Variants in ANTXR2 observed in about 807,000 individuals in gnomAD.
The protein encoded by ANTXR2 is anthrax toxin receptor 2.
A neutral mutation model predicts 73.7 loss-of-function variants in ANTXR2; 44 were observed. The observed-to-expected ratio is 0.60, with a 90% confidence interval of 0.47 to 0.77. ANTXR2 has a LOEUF of 0.77. Ranked by LOEUF, ANTXR2 falls within the 30% of genes least tolerant of loss-of-function variation. The pLI is 0.00. For synonymous variants in ANTXR2, 217 were observed against 205.9 expected, an observed-to-expected ratio of 1.05 and a Z score of -0.46; for missense variants, 604 against 592.5, an observed-to-expected ratio of 1.02 and a Z score of -0.20.
chr4:79,928,216 T>A (rs1578090811), intron 16 of ANTXR2, among the ~76,000 whole-genome samples: 1 of 152,216 alleles, frequency 6.6e-6, no homozygotes, highest in East Asian at 1.9e-4. Flanking sequence ...ACAACATGAA[T>A]GAACCATAAG....
Position 80,018,922 on chromosome 4 carries a change from T to C in ANTXR2, c.921A>G (p.Ser307=). 6.6e-7 allele frequency: 1 copy of C among 1,522,556 alleles called. No homozygotes were observed. The allele number at this position is 1,522,556 out of a possible 1,614,324, so 94.3% of individuals were successfully genotyped here. Residue 307 remains serine (S), a synonymous_variant, in exon 11 of 17, where the codon TCA becomes TCG. Coordinates refer to ENST00000403729, the MANE Select transcript of ANTXR2 (RefSeq NM_058172.6). ...FNGGKSVISG[S]LIVTATECSN... ...CACATTCTGTGGCTGTGACAATTAA[T>C]GATCCTGAAATGACAGATTTTCCTC... is the stretch of plus-strand genomic sequence containing the variant.
chr4:79,909,748 A>G (rs990967460), intron 16 of ANTXR2, among the ~76,000 whole-genome samples: 11 of 152,128 alleles, frequency 7.2e-5, no homozygotes, highest in African/African-American at 2.4e-4. Flanking sequence ...CTCCCCTTCT[A>G]ATCATGGACT....
intron 12 of ANTXR2, among the ~76,000 whole-genome samples, chr4:79,993,744 C>CCACACACACACA (rs370293519): frequency 9.6e-5 from 7 of 72,946 alleles, no homozygotes; most frequent in Non-Finnish European, 2.0e-4. Flanking sequence ...TGGCAATACA[C>CCACACACACACA]CACACACACA....
intron 16 of ANTXR2, among the ~76,000 whole-genome samples, chr4:79,947,558 C>A (rs1325606920): frequency 6.6e-6 from 1 of 152,164 alleles, no homozygotes; most frequent in Non-Finnish European, 1.5e-5. Flanking sequence ...ACTGCACAAG[C>A]AGAGACCTGT....
intron 7 of ANTXR2, among the ~76,000 whole-genome samples, chr4:80,040,569 G>A (rs988069423): frequency 1.6e-4 from 24 of 151,948 alleles, no homozygotes; most frequent in Non-Finnish European, 1.8e-4. Flanking sequence ...AAAGAAAATA[G>A]TTTCTACTAA....
chr4:79,986,883 G>A (rs1730191486), intron 12 of ANTXR2, among the ~76,000 whole-genome samples: 1 of 152,178 alleles, frequency 6.6e-6, no homozygotes. Context: ...GGAGTGCTAA[G>A]CTGAGGCTTG....
intron 7 of ANTXR2, among the ~76,000 whole-genome samples, chr4:80,042,656 GTGAAT>G (rs1733323161): frequency 6.6e-6 from 1 of 151,964 alleles, no homozygotes; most frequent in African/African-American, 2.4e-5. Context: ...ATGTGAATAT[GTGAAT>G]TGATAATATT....
chr4:79,925,286 C>CT (rs1727739694), intron 16 of ANTXR2, among the ~76,000 whole-genome samples: 1 of 87,482 alleles, frequency 1.1e-5, no homozygotes, highest in East Asian at 5.5e-4. Context: ...GTCACTCTTT[C>CT]CTTTTTTTTT....
intron 11 of ANTXR2, among the ~76,000 whole-genome samples, chr4:80,015,832 GGGAA>G (rs1222175111): frequency 1.4e-5 from 2 of 143,064 alleles, no homozygotes; most frequent in Non-Finnish European, 3.0e-5. Context: ...GAGGGAGGGA[GGGAA>G]GGAAGGAAGG....
At position 79,933,959 on chromosome 4, in the gene ANTXR2, C is replaced by T. The variant is rs184605799; in HGVS notation, c.1429-26492G>A. Among the ~76,000 whole-genome samples the T allele has an allele frequency of 3.9e-3, 593 of 151,954 alleles. 3 individuals are homozygous for T. The highest frequency in any genetic ancestry group is 0.013 in the African/African-American group (556 of 41,464). ...TTCGCCGTGTTAGGGAAGATGGTCT[C>T]GATCTCCTGACCTCGTGATCCGCCC... On this transcript the variant is annotated intron_variant, in intron 16 of 16. Transcript: ENST00000403729.
chr4:80,040,548 T>G lies in ANTXR2; in HGVS notation c.637-4516A>C, dbSNP rs564664547. Among the ~76,000 whole-genome samples the G allele has an allele frequency of 3.9e-3, 601 of 152,192 alleles. 2 individuals carry two copies. Among genetic ancestry groups the G allele is most frequent in the Middle Eastern group, 6.8e-3 (2 of 294 alleles). On this transcript the variant is annotated intron_variant, in intron 7 of 16. Coordinates refer to ENST00000403729, the MANE Select transcript of ANTXR2 (RefSeq NM_058172.6). ...TCTAATATATGCTGTCATCATTATG[T>G]TTCAATAGTAAAAGAAAATAGTTTC...
intron 16 of ANTXR2, among the ~76,000 whole-genome samples, chr4:79,924,272 G>T (rs919317404): frequency 6.6e-6 from 1 of 151,944 alleles, no homozygotes; most frequent in East Asian, 1.9e-4. Context: ...TTAAATACTG[G>T]GTACTTCATC....
At chr4:79,932,366 C>T (rs565074295) in intron 16 of ANTXR2, among the ~76,000 whole-genome samples, 1 of 151,866 alleles carries the variant, frequency 6.6e-6, no homozygotes, top group Non-Finnish European at 1.5e-5. Context: ...AGGCCTTAAG[C>T]ATGCATGTTT....
At chr4:79,924,666 G>T (rs1434991017) in intron 16 of ANTXR2, among the ~76,000 whole-genome samples, 3 of 152,094 alleles carry the variant, frequency 2.0e-5, no homozygotes, top group African/African-American at 7.2e-5. Context: ...CTAGAACACA[G>T]AGATTTTTTA....
chr4:79,911,172 A>G (rs1342205005), intron 16 of ANTXR2, among the ~76,000 whole-genome samples: 3 of 152,176 alleles, frequency 2.0e-5, no homozygotes, highest in Non-Finnish European at 2.9e-5. Context: ...AGCAATTTTT[A>G]TTTGCAGGAA....
intron 16 of ANTXR2, among the ~76,000 whole-genome samples, chr4:79,951,097 TAAAAC>T (rs1023011958): frequency 2.0e-5 from 3 of 152,024 alleles, no homozygotes; most frequent in Non-Finnish European, 4.4e-5. Flanking sequence ...GAAAACAAAA[TAAAAC>T]AAACAAAAAA....
chr4:80,069,556 T>G, intron 2 of ANTXR2, 49 bp from the exon 3 acceptor site: 1 of 1,393,046 alleles, frequency 7.2e-7, no homozygotes, highest in Non-Finnish European at 1.0e-6. Context: ...AAAGAAATAT[T>G]GATACGATAC....
rs1327481978 is a variant in ANTXR2 at position 80,003,520 on chromosome 4, C to G, written c.1041+5001G>C. Among the ~76,000 whole-genome samples, 23 of 151,334 alleles carry G rather than the reference C, an allele frequency of 1.5e-4. No individual in the cohort carries two copies. In the East Asian group the frequency reaches 4.5e-3, roughly 29 times the overall value. On this transcript the variant is annotated intron_variant, in intron 12 of 16. Coordinates refer to ENST00000403729, the MANE Select transcript of ANTXR2 (RefSeq NM_058172.6). Reference sequence around the variant, plus strand: ...GGCACATGTATACATATGTAACTAACCTGCACATTGTGCACATGTACCCTA... The same window carrying G: ...GGCACATGTATACATATGTAACTAAGCTGCACATTGTGCACATGTACCCTA...
At chr4:79,963,642 T>C (rs1161215821) in intron 16 of ANTXR2, among the ~76,000 whole-genome samples, 13 of 152,184 alleles carry the variant, frequency 8.5e-5, no homozygotes, top group African/African-American at 2.9e-4. Flanking sequence ...TCTCTCCTTT[T>C]TCTCAAGAAA....
Sources: allele counts gnomAD v4.1 joint callset (sites outside exome capture counted in the v4.1 genomes callset), GRCh38; gene constraint gnomAD v4.1.1; transcripts MANE v1.5; gene names NCBI Gene and HGNC (gene_info 2026-07-23, HGNC 2026-07-21).